The following CSPG4 variants were observed in gnomAD, a reference collection of about 807,000 sequenced individuals.
The protein encoded by CSPG4 is chondroitin sulfate proteoglycan 4 (melanoma-associated).
CSPG4 carries 74 observed loss-of-function variants against 139.3 expected under a neutral mutation model. The observed-to-expected ratio is 0.53, with a 90% CI of 0.44 to 0.64. The LOEUF (loss-of-function observed/expected upper bound fraction) is 0.64. Among genes scored for constraint, CSPG4 ranks in the 30% least tolerant of loss-of-function variants. The pLI is 0.00. For missense variants in CSPG4, 2,565 were observed against 3,148.3 expected (o/e 0.81, Z 4.43); for synonymous variants, 1,234 against 1,394.2 (o/e 0.89, Z 2.56).
rs1893985408 is a variant in CSPG4, at chr15:75,682,355, G to GT, written c.4887_4888insA (p.Arg1630ThrfsTer30). The GT allele has an allele frequency of 1.9e-6, 3 of 1,596,678 alleles. No homozygotes were observed. Among genetic ancestry groups the GT allele is most frequent in the Non-Finnish European group, 2.5e-6 (3 of 1,179,926 alleles). On this transcript the variant is annotated frameshift_variant, in exon 8 of 10. Coordinates refer to ENST00000308508, the MANE Select transcript of CSPG4 (RefSeq NM_001897.5). LOFTEE classifies it high-confidence loss of function. ...CTGTCCTGCTGGGCGTGGAACAGCCGGCCTAGCTGGGGGCCCCGCACCACA... is the reference window on the plus strand; with the variant it reads ...CTGTCCTGCTGGGCGTGGAACAGCCGTGCCTAGCTGGGGGCCCCGCACCACA...
rs1451979178 is a variant in CSPG4, at chr15:75,689,912, C to T, written c.1153G>A (p.Glu385Lys). 26 of 1,611,618 alleles carry T rather than the reference C, an allele frequency of 1.6e-5. No homozygotes were observed. The highest frequency in any genetic ancestry group is 2.0e-5 in the Non-Finnish European group (24 of 1,179,400). Residue 385 changes from glutamate to lysine, a missense_variant, in exon 3 of 10, where the codon GAG (glutamate) becomes AAG (lysine). This residue lies in a region of CSPG4 where 2,316 missense variants were observed against 2,818.2 expected (regional missense o/e 0.82). Transcript: ENST00000308508. Reference sequence around the variant, plus strand: ...CCATAGGCATCGTCCTCATACTCCTCCTCCTCCAGCCTGCAGCCGGCTGCC... The same window carrying T: ...CCATAGGCATCGTCCTCATACTCCTTCTCCTCCAGCCTGCAGCCGGCTGCC... Reference protein sequence around the residue: ...NMAAGCRLEEEEYEDDAYGHY... With the variant: ...NMAAGCRLEEKEYEDDAYGHY...
chr15:75,692,266 G>A (rs1894174142), intron 2 of CSPG4, among the ~76,000 whole-genome samples: 1 of 152,220 alleles, frequency 6.6e-6, no homozygotes, highest in Non-Finnish European at 1.5e-5. Flanking sequence ...TTACAGGCAT[G>A]AGCCACCGCG....
intron 2 of CSPG4, among the ~76,000 whole-genome samples, chr15:75,692,095 C>T (rs1027521205): frequency 2.0e-5 from 3 of 152,160 alleles, no homozygotes; most frequent in African/African-American, 7.2e-5. Flanking sequence ...GATTCTCTTG[C>T]CTCAGCCTCC....
chr15:75,693,564 G>C (rs1484138399), intron 1 of CSPG4, among the ~76,000 whole-genome samples: 1 of 152,252 alleles, frequency 6.6e-6, no homozygotes, highest in Non-Finnish European at 1.5e-5. Flanking sequence ...GGGCCCCAGA[G>C]GAGTCTCCCT....
intron 1 of CSPG4, among the ~76,000 whole-genome samples, chr15:75,710,736 T>C (rs1894438209): frequency 6.6e-6 from 1 of 152,112 alleles, no homozygotes; most frequent in Non-Finnish European, 1.5e-5. Context: ...GAGGGACGCC[T>C]TCCTCAGGCA....
rs201364570 is a variant in CSPG4, at chr15:75,676,206, C to A, written c.6313G>T (p.Gly2105Trp). 1 of 1,551,046 alleles carries A rather than the reference C, an allele frequency of 6.4e-7. No homozygotes were observed. The highest frequency in any genetic ancestry group is 1.9e-5 in the Admixed American group (1 of 52,168). The change falls in exon 10 of 10, where the codon GGG (glycine) becomes TGG (tryptophan). Residue 2105 changes from glycine (G) to tryptophan (W), a missense_variant. Physicochemically the swap from Gly to Trp is radical, Grantham distance 184. Transcript: ENST00000308508. Reference protein sequence around the residue: ...VRVPRARTEPGGSQLVEQFTQ... With the variant: ...VRVPRARTEPWGSQLVEQFTQ... ...AACTGCTCCACCAGCTGGCTGCCCC[C>A]GGGCTCCGTCCTGGCTCGGGGCACG... is the stretch of plus-strand genomic sequence containing the variant.
At chr15:75,711,023 C>T (rs1247929082) in intron 1 of CSPG4, among the ~76,000 whole-genome samples, 1 of 152,214 alleles carries the variant, frequency 6.6e-6, no homozygotes, top group African/African-American at 2.4e-5. Flanking sequence ...CTGGCCTGTG[C>T]TCGAAATACG....
chr15:75,677,478 C>T, intron 9 of CSPG4, 94 bp from the exon 10 acceptor site: 7 of 1,325,648 alleles, frequency 5.3e-6, no homozygotes, highest in Non-Finnish European at 6.9e-6. Flanking sequence ...GATGTGCCTC[C>T]CCCCAACCAT....
Position 75,676,522 on chromosome 15 carries a change from G to A in CSPG4, c.5997C>T (p.Ala1999=). Residue 1999 remains alanine (A), a synonymous_variant, in exon 10 of 10, where the codon GCC becomes GCT. Coordinates refer to ENST00000308508, the MANE Select transcript of CSPG4 (RefSeq NM_001897.5). The stretch of plus-strand genomic sequence containing the variant: ...CCTGGTCTATCTGGAATTGGCTGAA[G>A]GCCGAGGTGGGCCGCCCGCCCACCA... ...HLLVGGRPTS[A]FSQFQIDQGE... 6.2e-7 allele frequency: 1 copy of A among 1,613,718 alleles called. No individual in the cohort carries two copies. The highest frequency in any genetic ancestry group is 1.1e-5 in the South Asian group (1 of 91,088).
At chr15:75,678,231 C>T (rs1893921570) in intron 8 of CSPG4, among the ~76,000 whole-genome samples, 1 of 152,244 alleles carries the variant, frequency 6.6e-6, no homozygotes, top group Non-Finnish European at 1.5e-5. Context: ...CTTCTGAAGA[C>T]ACCACTTCTA....
At chr15:75,700,628 GGC>G in intron 1 of CSPG4, among the ~76,000 whole-genome samples, 1 of 152,276 alleles carries the variant, frequency 6.6e-6, no homozygotes, top group East Asian at 1.9e-4. Context: ...CTGAGGGCCA[GGC>G]TCTCTCCTGG....
rs762962963 is a variant in CSPG4, at chr15:75,689,571, G to A, written c.1494C>T (p.Asp498=). The A allele has an allele frequency of 1.6e-5, 25 of 1,612,592 alleles. No individual in the cohort carries two copies. The African/African-American group carries it at 1.9e-4, about 12-fold the overall frequency. ...AQARKMFTLL[D]VVNRKARFIH... ...TGAAGCGGGCCTTGCGGTTCACCAC[G>A]TCCAGGAGGGTGAACATTTTTCGTG... The change falls in exon 3 of 10, where the codon GAC becomes GAT. Residue 498 remains aspartate, a synonymous_variant. Coordinates refer to ENST00000308508, the MANE Select transcript of CSPG4 (RefSeq NM_001897.5).
chr15:75,682,123 G>C (rs568684612), intron 8 of CSPG4, among the ~76,000 whole-genome samples, 170 bp downstream of exon 8: 3 of 152,254 alleles, frequency 2.0e-5, no homozygotes, highest in Admixed American at 6.5e-5. Flanking sequence ...TGCCCTGCCA[G>C]CCTGGCGGCT....
In CSPG4 at chr15:75,675,345, C is replaced by T. The variant is rs1011591630; in HGVS notation, c.*205G>A. 19 of 464,302 alleles carry T rather than the reference C, an allele frequency of 4.1e-5. No individual in the cohort carries two copies. The highest frequency in any genetic ancestry group is 6.0e-5 in the African/African-American group (3 of 49,910). The allele number at this position is 464,302 out of a possible 1,614,324, so 28.8% of individuals were successfully genotyped here. On this transcript the variant is annotated 3_prime_UTR_variant, in exon 10 of 10. Transcript: ENST00000308508. ...CTTGGCCCCTGCAGTTCTCCAGGCTCGGAGTGAGCTGAGGGAGGTTCCAGC... is the reference window on the plus strand; with the variant it reads ...CTTGGCCCCTGCAGTTCTCCAGGCTTGGAGTGAGCTGAGGGAGGTTCCAGC...
Position 75,688,010 on chromosome 15 carries a change from G to A in CSPG4, c.3055C>T (p.Pro1019Ser), listed in dbSNP as rs1894089195. 1 of 1,612,104 alleles carries A rather than the reference G, an allele frequency of 6.2e-7. No homozygotes were observed. The highest frequency in any genetic ancestry group is 8.5e-7 in the Non-Finnish European group (1 of 1,179,442). ...VAIQPVNDHA[P>S]VQTISRIFHV... is the part of the protein sequence containing the mutation. ...AAGATCCGGCTGATGGTCTGCACAG[G>A]GGCGTGGTCATTCACGGGCTGGATG... The change falls in exon 3 of 10, where the codon CCT becomes TCT. Residue 1019 changes from proline to serine, a missense_variant. Pro to Ser is a moderately conservative substitution (Grantham distance 74, BLOSUM62 -1). Transcript: ENST00000308508.
In CSPG4 at chr15:75,677,273, A is replaced by G. The variant is rs1239994113; in HGVS notation, c.5246T>C (p.Phe1749Ser). ...CCGGCTGGGGAACTGTGTGACCTGGAAGAGCACATCATGCTCTGAGCGCTG... is the reference window on the plus strand; with the variant it reads ...CCGGCTGGGGAACTGTGTGACCTGGGAGAGCACATCATGCTCTGAGCGCTG... ...SPQRSEHDVL[F>S]QVTQFPSRGQ... The change falls in exon 10 of 10, where the codon TTC (phenylalanine) becomes TCC (serine). Residue 1749 changes from phenylalanine to serine, a missense_variant. Phe to Ser is a radical substitution (Grantham distance 155). Coordinates refer to ENST00000308508, the MANE Select transcript of CSPG4 (RefSeq NM_001897.5). 6.7e-7 allele frequency: 1 copy of G among 1,496,858 alleles called. No individual in the cohort carries two copies. Among genetic ancestry groups the G allele is most frequent in the Admixed American group, 2.2e-5 (1 of 45,366 alleles). 92.7% of individuals were successfully genotyped at this position (1,496,858 alleles called of 1,614,324 possible). A position where few individuals can be genotyped will look rare whatever the true frequency, so the allele number is the denominator to read the frequency against.
chr15:75,684,112 G>T (rs899944227), intron 5 of CSPG4, among the ~76,000 whole-genome samples: 2 of 145,976 alleles, frequency 1.4e-5, no homozygotes, highest in Non-Finnish European at 3.0e-5. Flanking sequence ...CCTGCTGACC[G>T]GGGAGGATGC....
Position 75,688,023 on chromosome 15 carries a change from C to T in CSPG4, c.3042G>A (p.Val1014=), listed in dbSNP as rs774216960. 6.2e-7 allele frequency: 1 copy of T among 1,611,834 alleles called. No individual in the cohort carries two copies. Among genetic ancestry groups the T allele is most frequent in the Non-Finnish European group, 8.5e-7 (1 of 1,179,326 alleles). Residue 1014 remains valine, a synonymous_variant, in exon 3 of 10, where the codon GTG becomes GTA. Transcript: ENST00000308508. ...RGVFRVAIQP[V]NDHAPVQTIS... ...TGGTCTGCACAGGGGCGTGGTCATT[C>T]ACGGGCTGGATGGCCACTCGGAAGA...
intron 1 of CSPG4, among the ~76,000 whole-genome samples, chr15:75,697,427 C>T (rs1894242733): frequency 6.6e-6 from 1 of 152,262 alleles, no homozygotes; most frequent in Non-Finnish European, 1.5e-5. Flanking sequence ...CTGCAGGGCA[C>T]TCAGCTTCCA....
Sources: allele counts gnomAD v4.1 joint callset (sites outside exome capture counted in the v4.1 genomes callset), GRCh38; gene constraint gnomAD v4.1.1; regional missense constraint gnomAD v4.1.1; transcripts MANE v1.5; gene names NCBI Gene and HGNC (gene_info 2026-07-23, HGNC 2026-07-21).